The following THSD7A variants were observed in gnomAD, a reference collection of about 807,000 sequenced individuals.
THSD7A encodes thrombospondin type 1 domain containing 7A, also known as thrombospondin type-1 domain-containing protein 7A.
Under a neutral mutation model 231.3 loss-of-function variants are expected in THSD7A, and 96 were observed. The ratio of observed to expected loss-of-function variants is 0.41; its 90% CI spans 0.35 to 0.49. The LOEUF is 0.49. Ranked by LOEUF, THSD7A falls within the 20% of genes least tolerant of loss-of-function variation. The pLI, the probability that THSD7A is intolerant of heterozygous loss-of-function variation, is 0.05. For missense variants in THSD7A, 2,290 were observed against 2,070.2 expected (o/e 1.11, Z -2.06); for synonymous variants, 940 against 743.3 (o/e 1.26, Z -4.30).
chr7:11,769,211 G>A (rs1223581582), intron 1 of THSD7A, among the ~76,000 whole-genome samples: 3 of 139,322 alleles, frequency 2.2e-5, no homozygotes, highest in African/African-American at 5.3e-5. Context: ...TAGCCAGGCC[G>A]GTCTCAAACT....
In THSD7A at chr7:11,370,803, T is replaced by A. The variant is rs1407810167; in HGVS notation, c.*4991A>T. 7 of 152,302 alleles carry A rather than the reference T, an allele frequency of 4.6e-5. No individual in the cohort carries two copies. Among genetic ancestry groups the A allele is most frequent in the African/African-American group, 1.7e-4 (7 of 41,576 alleles). 9.4% of individuals were successfully genotyped at this position (152,302 alleles called of 1,614,324 possible). ...CAGATTGCAAATTTTAATAAAGTTA[T>A]ATTTTACAATGATAGATACTGATCT... On this transcript the variant is annotated 3_prime_UTR_variant, in exon 28 of 28. Transcript: ENST00000423059.
rs1781706354 is a variant in THSD7A at position 11,632,903 on chromosome 7, T to C, written c.1022+3227A>G. On this transcript the variant is annotated intron_variant, in intron 2 of 27. Transcript: ENST00000423059. This position sits in a 1 kb window ranked among gnomAD's most constrained non-coding sequence, Gnocchi z 4.1. ...TTCTGTTTTAATTTTTCTGGTTCTA[T>C]CTTCAGGAACATCAGCGTTTCATAT... is the stretch of plus-strand genomic sequence containing the variant. Among the ~76,000 whole-genome samples the C allele has an allele frequency of 6.6e-6, 1 of 152,208 alleles. No individual in the cohort carries two copies.
rs143654520 is a variant in THSD7A at position 11,406,964 on chromosome 7, T to C, written c.4008A>G (p.Pro1336=). The change falls in exon 21 of 28, where the codon CCA becomes CCG. Residue 1336 remains proline (P), a synonymous_variant. Transcript: ENST00000423059. This position sits in a 1 kb window ranked among gnomAD's most constrained non-coding sequence, Gnocchi z 4.7. The part of the protein sequence containing the change: ...PSLMDQSKPC[P]VKPCYRWQYG... ...ATTGCCACCGATAACAAGGCTTCAC[T>C]GGGCAGGGTTTGGACTGGTCCATCA... 2.2e-4 allele frequency: 353 copies of C among 1,613,882 alleles called. 4 individuals carry two copies. In the East Asian group the frequency reaches 6.9e-3, roughly 31 times the overall value.
rs1220208517 is a variant in THSD7A at position 11,546,208 on chromosome 7, A to G, written c.1454-3091T>C. Among the ~76,000 whole-genome samples the G allele has an allele frequency of 2.0e-3, 200 of 101,758 alleles. 2 individuals are homozygous for G. The highest frequency in any genetic ancestry group is 5.2e-3 in the African/African-American group (133 of 25,652). The allele number at this position is 101,758 out of a possible 152,430, so 66.8% of individuals were successfully genotyped here. A position where few individuals can be genotyped will look rare whatever the true frequency, so the allele number is the denominator to read the frequency against. Reference sequence around the variant, plus strand: ...GTTGCTGGTGTGGGCGCGCGCTCACACACACACACACACACACACACACGT... The same window carrying G: ...GTTGCTGGTGTGGGCGCGCGCTCACGCACACACACACACACACACACACGT... On this transcript the variant is annotated intron_variant, in intron 4 of 27. Transcript: ENST00000423059.
chr7:11,800,422 G>A (rs1264619138), intron 1 of THSD7A, among the ~76,000 whole-genome samples: 5 of 152,040 alleles, frequency 3.3e-5, no homozygotes, highest in Admixed American at 6.6e-5. Context: ...GGTGATGGGC[G>A]CCTGTAATCC....
intron 4 of THSD7A, among the ~76,000 whole-genome samples, chr7:11,566,873 C>A (rs961595114): frequency 6.7e-6 from 1 of 150,000 alleles, no homozygotes; most frequent in Non-Finnish European, 1.5e-5. Flanking sequence ...GCTAGGAAAT[C>A]CTTCTAAATG....
chr7:11,825,549 A>C (rs1229028822), intron 1 of THSD7A, among the ~76,000 whole-genome samples: 1 of 152,116 alleles, frequency 6.6e-6, no homozygotes, highest in Non-Finnish European at 1.5e-5. Context: ...CATAAACTTA[A>C]ATAGTTTTTG....
chr7:11,603,089 C>A (rs565549985), intron 2 of THSD7A, among the ~76,000 whole-genome samples: 274 of 150,808 alleles, frequency 1.8e-3, no homozygotes, highest in Admixed American at 3.6e-3. Flanking sequence ...AGTGAACAGG[C>A]AACCTACAAA....
chr7:11,595,686 G>A (rs1010081516), intron 2 of THSD7A, among the ~76,000 whole-genome samples: 5 of 152,168 alleles, frequency 3.3e-5, no homozygotes, highest in Non-Finnish European at 5.9e-5. Flanking sequence ...ATAGATTTGT[G>A]AGGGCAGCAC....
At chr7:11,459,007 GT>G (rs1554313065) in intron 11 of THSD7A, among the ~76,000 whole-genome samples, 1 of 152,132 alleles carries the variant, frequency 6.6e-6, no homozygotes, top group Non-Finnish European at 1.5e-5. Context: ...ATACGTCATT[GT>G]TTGGAACTGA....
chr7:11,761,848 C>T (rs1424227726), intron 1 of THSD7A, among the ~76,000 whole-genome samples: 28 of 152,124 alleles, frequency 1.8e-4, no homozygotes, highest in Non-Finnish European at 1.5e-5. Context: ...GAGAACCTAT[C>T]ACCCAAATAG....
intron 1 of THSD7A, among the ~76,000 whole-genome samples, chr7:11,769,135 A>ATTTTTTTT (rs1562541189): frequency 1.9e-4 from 7 of 36,606 alleles, no homozygotes; most frequent in Non-Finnish European, 3.1e-4. Flanking sequence ...ATATATATAT[A>ATTTTTTTT]TATATATATA....
chr7:11,766,910 G>A (rs1365597422), intron 1 of THSD7A, among the ~76,000 whole-genome samples: 2 of 152,154 alleles, frequency 1.3e-5, no homozygotes. Flanking sequence ...TTTCAAAACT[G>A]CCACTGCATT....
intron 2 of THSD7A, among the ~76,000 whole-genome samples, chr7:11,614,278 G>C (rs1042956460): frequency 6.6e-6 from 1 of 152,152 alleles, no homozygotes; most frequent in African/African-American, 2.4e-5. Flanking sequence ...AATGGTGAGC[G>C]CTTCCACTAG....
chr7:11,504,190 T>A (rs1378695115), intron 6 of THSD7A, among the ~76,000 whole-genome samples: 3 of 152,186 alleles, frequency 2.0e-5, no homozygotes, highest in African/African-American at 7.2e-5. Context: ...GATATCATCC[T>A]CAGAAAGCTA....
chr7:11,558,648 A>G (rs549364422), intron 4 of THSD7A, among the ~76,000 whole-genome samples: 3 of 152,324 alleles, frequency 2.0e-5, no homozygotes, highest in African/African-American at 7.2e-5. Context: ...TGTCTCATAA[A>G]AAAGAAAGTG....
At chr7:11,823,910 T>A (rs1274656186) in intron 1 of THSD7A, among the ~76,000 whole-genome samples, 2 of 152,012 alleles carry the variant, frequency 1.3e-5, no homozygotes, top group Non-Finnish European at 2.9e-5. Context: ...GAGAACTAAC[T>A]GTGCGACGTA....
chr7:11,824,216 T>C (rs1441024768), intron 1 of THSD7A, among the ~76,000 whole-genome samples: 1 of 152,204 alleles, frequency 6.6e-6, no homozygotes, highest in East Asian at 1.9e-4. Flanking sequence ...GCCTCCTTCA[T>C]TAAGGGCCAG....
chr7:11,532,938 T>A (rs2128319879), intron 6 of THSD7A, among the ~76,000 whole-genome samples: 1 of 152,310 alleles, frequency 6.6e-6, no homozygotes, highest in Middle Eastern at 3.4e-3. Flanking sequence ...CTAATAATTC[T>A]TTGATAACAC....
Sources: gnomAD v4.1 joint callset for allele counts (sites outside exome capture counted in the v4.1 genomes callset) on GRCh38, gnomAD v4.1.1 for gene constraint, Gnocchi (gnomAD v3.1) non-coding constraint, MANE v1.5 for transcripts, NCBI Gene and HGNC (gene_info 2026-07-23, HGNC 2026-07-21) for gene names.